The following RPH3AL variants were observed in gnomAD, a reference collection of about 807,000 sequenced individuals.
The protein encoded by RPH3AL is rabphilin 3A like (without C2 domains), also known as rab effector Noc2.
Under a neutral mutation model 43.1 loss-of-function variants are expected in RPH3AL, and 38 were observed. The ratio of observed to expected loss-of-function variants is 0.88; its 90% CI spans 0.68 to 1.15. RPH3AL has a LOEUF of 1.15. Among genes scored for constraint, RPH3AL ranks in the 50% most tolerant of loss-of-function variants. The probability of loss-of-function intolerance (pLI) is 0.00; values close to 1 mark genes in which losing one functional copy is unlikely to be tolerated. For synonymous variants in RPH3AL, 189 were observed against 176.3 expected (o/e 1.07, Z -0.57); for missense variants, 462 against 423.2 (o/e 1.09, Z -0.81).
chr17:319,636 G>GT, intron 4 of RPH3AL, 87 bp from the exon 5 acceptor site: 1 of 1,509,588 alleles, frequency 6.6e-7, no homozygotes, highest in Non-Finnish European at 9.0e-7. Flanking sequence ...CATGCCACAT[G>GT]TGCTGTCCCC....
At chr17:315,916 T>A (rs1598103775) in intron 5 of RPH3AL, among the ~76,000 whole-genome samples, 1 of 144,514 alleles carries the variant, frequency 6.9e-6, no homozygotes, top group African/African-American at 2.7e-5. Flanking sequence ...TCCACTGATG[T>A]GTAGTCCCTG....
chr17:298,636 C>T (rs112617103), intron 5 of RPH3AL, among the ~76,000 whole-genome samples: 8 of 151,134 alleles, frequency 5.3e-5, no homozygotes, highest in African/African-American at 1.7e-4. Context: ...ACCCGGGAGG[C>T]GGAGGTTGCA....
chr17:274,079 T>G lies in RPH3AL; in HGVS notation c.438+7689A>C, dbSNP rs138934814. The stretch of plus-strand genomic sequence containing the variant: ...ATCACTTTGAGTGAGTCATTCTTCG[T>G]TTTCGTTTAGTGGATAGGGATTCGA... On this transcript the variant is annotated intron_variant, in intron 6 of 9. Transcript: ENST00000331302. This position sits in a 1 kb window ranked among gnomAD's most constrained non-coding sequence, Gnocchi z 4.7. Among the ~76,000 whole-genome samples the G allele has an allele frequency of 4.9e-4, 74 of 152,324 alleles. No individual in the cohort carries two copies. The highest frequency in any genetic ancestry group is 2.1e-4 in the South Asian group (1 of 4,824).
intron 5 of RPH3AL, among the ~76,000 whole-genome samples, chr17:309,374 G>A (rs556007884): frequency 1.3e-5 from 2 of 152,370 alleles, no homozygotes; most frequent in East Asian, 3.9e-4. Flanking sequence ...GGAAGCTGAA[G>A]CCTTAGGAAA....
chr17:344,548 CCAT>C lies in RPH3AL; in HGVS notation c.-213+8161_-213+8163del, dbSNP rs568974239. Reference sequence around the variant, plus strand: ...ATCATCATCACCATCATCATGATCACCATCATCATCACCAACACCACTATCATC... The same window carrying C: ...ATCATCATCACCATCATCATGATCACCATCATCACCAACACCACTATCATC... On this transcript the variant is annotated intron_variant, in intron 1 of 9. Transcript: ENST00000331302. 1.3e-4 allele frequency among the ~76,000 whole-genome samples: 17 copies of C among 133,636 alleles called. 3 individuals are homozygous for C. In the East Asian group the frequency reaches 1.9e-3, roughly 15 times the overall value. The allele number at this position is 133,636 out of a possible 152,430, so 87.7% of individuals were successfully genotyped here.
At chr17:321,708 C>T (rs1351581015) in intron 3 of RPH3AL, 3 of 376,554 alleles carry the variant, frequency 8.0e-6, no homozygotes, top group East Asian at 4.4e-5. Flanking sequence ...GGCACATGGG[C>T]AACAGAGACG....
intron 6 of RPH3AL, among the ~76,000 whole-genome samples, chr17:263,921 G>C (rs1269278570): frequency 6.6e-6 from 1 of 152,168 alleles, no homozygotes; most frequent in African/African-American, 2.4e-5. Context: ...GGGTTTTCAA[G>C]GGGGAACCAA....
intron 6 of RPH3AL, among the ~76,000 whole-genome samples, chr17:250,927 C>T (rs1555542342): frequency 6.6e-6 from 1 of 152,274 alleles, no homozygotes; most frequent in African/African-American, 2.4e-5. Context: ...CTCTCAGAGC[C>T]TTTACTAAGC....
chr17:315,371 G>C (rs549030421), intron 5 of RPH3AL, among the ~76,000 whole-genome samples: 1 of 150,222 alleles, frequency 6.7e-6, no homozygotes, highest in Non-Finnish European at 1.5e-5. Flanking sequence ...CTGACCTGTA[G>C]TCCCTGTGCC....
intron 3 of RPH3AL, among the ~76,000 whole-genome samples, chr17:321,852 G>A (rs2044491091): frequency 6.6e-6 from 1 of 152,218 alleles, no homozygotes; most frequent in Admixed American, 6.5e-5. Context: ...TAGCCCGGGA[G>A]CCAGAAACAC....
intron 8 of RPH3AL, among the ~76,000 whole-genome samples, chr17:216,582 G>A (rs1457401081): frequency 6.6e-6 from 1 of 150,520 alleles, no homozygotes; most frequent in Non-Finnish European, 1.5e-5. Context: ...TGGAGCGAGG[G>A]GACAAGAGCC....
In RPH3AL at chr17:323,156, G is replaced by A. The variant is rs532181546; in HGVS notation, c.78-1741C>T. Among the ~76,000 whole-genome samples, 3 of 152,108 alleles carry A rather than the reference G, an allele frequency of 2.0e-5. No individual in the cohort carries two copies. Among genetic ancestry groups the A allele is most frequent in the African/African-American group, 7.2e-5 (3 of 41,402 alleles). ...GAACAGGTGCTTCCCCATGGAAGGA[G>A]GGAGGCGGGTTCAGGCAGAGGAGAT... On this transcript the variant is annotated intron_variant, in intron 3 of 9. Coordinates refer to ENST00000331302, the MANE Select transcript of RPH3AL (RefSeq NM_006987.4). The surrounding 1 kb of genome is among the most constrained non-coding windows in gnomAD (Gnocchi z 4.4).
chr17:252,471 T>C (rs1471475145), intron 6 of RPH3AL, among the ~76,000 whole-genome samples: 2 of 152,170 alleles, frequency 1.3e-5, no homozygotes, highest in Non-Finnish European at 2.9e-5. Context: ...ACTAGGCTAA[T>C]GTAGATGCAA....
chr17:272,952 AGGGCT>A (rs2042517785), intron 6 of RPH3AL, among the ~76,000 whole-genome samples: 1 of 37,544 alleles, frequency 2.7e-5, no homozygotes, highest in Admixed American at 3.3e-4. Context: ...GACCCCAGCA[AGGGCT>A]ACGTCAGGGT....
At chr17:278,215 T>C (rs1012773254) in intron 6 of RPH3AL, among the ~76,000 whole-genome samples, 2 of 152,092 alleles carry the variant, frequency 1.3e-5, no homozygotes, top group African/African-American at 4.8e-5. Context: ...GATCTGATGG[T>C]TTTATAAGAA....
At chr17:307,172 C>G (rs960499238) in intron 5 of RPH3AL, among the ~76,000 whole-genome samples, 1 of 150,524 alleles carries the variant, frequency 6.6e-6, no homozygotes, top group Non-Finnish European at 1.5e-5. Context: ...GCCCATCCCA[C>G]GGCAGATCCT....
Position 320,237 on chromosome 17 carries a change from A to G in RPH3AL, c.222-688T>C, listed in dbSNP as rs189773187. 3.3e-3 allele frequency among the ~76,000 whole-genome samples: 451 copies of G among 137,936 alleles called. 7 individuals carry two copies. Among genetic ancestry groups the G allele is most frequent in the African/African-American group, 0.012 (425 of 35,590 alleles). The allele number at this position is 137,936 out of a possible 152,430, so 90.5% of individuals were successfully genotyped here. A position where few individuals can be genotyped will look rare whatever the true frequency, so the allele number is the denominator to read the frequency against. On this transcript the variant is annotated intron_variant, in intron 4 of 9. Coordinates refer to ENST00000331302, the MANE Select transcript of RPH3AL (RefSeq NM_006987.4). ...ACATTGAGGGGAGGGAGGGGGAGGG[A>G]CATTGAGGGACAGGGGCATGTTCCA...
Position 241,098 on chromosome 17 carries a change from A to AATCATC in RPH3AL, c.613+6012_613+6013insGATGAT, listed in dbSNP as rs1555536750. ...TAATAATAATAATAATAATAATAATAATCTTGTTGGCCAAGGATGGTGGCT... is the reference window on the plus strand; with the variant it reads ...TAATAATAATAATAATAATAATAATAATCATCATCTTGTTGGCCAAGGATGGTGGCT... On this transcript the variant is annotated intron_variant, in intron 7 of 9. Coordinates refer to ENST00000331302, the MANE Select transcript of RPH3AL (RefSeq NM_006987.4). Among the ~76,000 whole-genome samples the AATCATC allele has an allele frequency of 2.2e-3, 206 of 94,398 alleles. 2 individuals are homozygous for AATCATC. The highest frequency in any genetic ancestry group is 2.8e-3 in the Non-Finnish European group (128 of 46,000). 61.9% of individuals were successfully genotyped at this position (94,398 alleles called of 152,430 possible). A position where few individuals can be genotyped will look rare whatever the true frequency, so the allele number is the denominator to read the frequency against.
intron 5 of RPH3AL, among the ~76,000 whole-genome samples, chr17:293,598 CAGG>C (rs2043097769): frequency 6.6e-6 from 1 of 152,308 alleles, no homozygotes; most frequent in African/African-American, 2.4e-5. Context: ...ACACGGGAAA[CAGG>C]AGGTTTGAGC....
Sources: gnomAD v4.1 joint callset for allele counts (sites outside exome capture counted in the v4.1 genomes callset) on GRCh38, gnomAD v4.1.1 for gene constraint, Gnocchi (gnomAD v3.1) non-coding constraint, MANE v1.5 for transcripts, NCBI Gene and HGNC (gene_info 2026-07-23, HGNC 2026-07-21) for gene names.